Variants in CDHR3 observed in about 807,000 individuals in gnomAD.
CDHR3 encodes cadherin related family member 3.
CDHR3 carries 79 observed loss-of-function variants against 86.6 expected under a neutral mutation model. That is an observed-to-expected ratio of 0.91 (90% confidence interval 0.76 to 1.10). The LOEUF (loss-of-function observed/expected upper bound fraction) is 1.10. Among genes scored for constraint, CDHR3 ranks in the 50% least tolerant of loss-of-function variants. The pLI is 0.00. For synonymous variants in CDHR3, 421 were observed against 402.4 expected, an observed-to-expected ratio of 1.05 and a Z score of -0.55; for missense variants, 1,081 against 1,077.6, an observed-to-expected ratio of 1.00 and a Z score of -0.04.
chr7:105,989,477 T>G (rs1563251591), intron 4 of CDHR3, among the ~76,000 whole-genome samples: 1 of 152,038 alleles, frequency 6.6e-6, no homozygotes, highest in African/African-American at 2.4e-5. Context: ...ATGTGCTTTG[T>G]CTTCACCAAG....
At chr7:105,986,973 G>A (rs1012081602) in intron 4 of CDHR3, among the ~76,000 whole-genome samples, 3 of 152,116 alleles carry the variant, frequency 2.0e-5, no homozygotes, top group Admixed American at 6.5e-5. Flanking sequence ...TTACTATAAC[G>A]TTTGTATAAG....
At chr7:105,970,450 C>T (rs569843485) in intron 1 of CDHR3, among the ~76,000 whole-genome samples, 15 of 152,312 alleles carry the variant, frequency 9.8e-5, no homozygotes, top group East Asian at 9.6e-4. Flanking sequence ...TTCCAAAGTA[C>T]GTGCTTCAAG....
intron 4 of CDHR3, among the ~76,000 whole-genome samples, chr7:105,992,379 T>C (rs1831489800): frequency 6.6e-6 from 1 of 152,218 alleles, no homozygotes; most frequent in Non-Finnish European, 1.5e-5. Flanking sequence ...CAGGGAAGGC[T>C]CTGCTCAAAG....
Position 106,030,281 on chromosome 7 carries a change from G to A in CDHR3, c.2305-511G>A, listed in dbSNP as rs566068543. The stretch of plus-strand genomic sequence containing the variant: ...CAGGGCTTAGGTGAGGCCCAGATGC[G>A]ACACTGCATTGGCCTAGGCAAGGGG... On this transcript the variant is annotated intron_variant, in intron 17 of 18. Transcript: ENST00000317716. The surrounding 1 kb of genome is among the most constrained non-coding windows in gnomAD (Gnocchi z 4.8). Among the ~76,000 whole-genome samples, 38 of 152,330 alleles carry A rather than the reference G, an allele frequency of 2.5e-4. No homozygotes were observed. The East Asian group carries it at 6.6e-3, about 26-fold the overall frequency.
At chr7:105,973,030 A>C (rs1232756531) in intron 1 of CDHR3, among the ~76,000 whole-genome samples, 1 of 152,144 alleles carries the variant, frequency 6.6e-6, no homozygotes, top group African/African-American at 2.4e-5. Flanking sequence ...TTCCTAGAAC[A>C]TTTATACCTT....
chr7:106,027,659 TA>T (rs199801202), intron 16 of CDHR3: 50,199 of 335,540 alleles, frequency 0.15, 3 homozygotes, highest in South Asian at 0.19. Flanking sequence ...GTGTTTTAAT[TA>T]AAAAAAAAAA....
rs189733803 is a variant in CDHR3, at chr7:106,035,536, C to T, written c.*2839C>T. Among the ~76,000 whole-genome samples the T allele has an allele frequency of 3.5e-3, 532 of 152,280 alleles. 1 individual carries two copies. Among genetic ancestry groups the T allele is most frequent in the African/African-American group, 0.012 (512 of 41,550 alleles). On this transcript the variant is annotated 3_prime_UTR_variant, in exon 19 of 19. Coordinates refer to ENST00000317716, the MANE Select transcript of CDHR3 (RefSeq NM_152750.5). ...GAATGAGGCAACGAAAGAATGAAAG[C>T]AGGGATTTATTGAAAACCAAAGTAC...
At chr7:106,024,917 G>A (rs1489447528) in intron 15 of CDHR3, among the ~76,000 whole-genome samples, 1 of 152,144 alleles carries the variant, frequency 6.6e-6, no homozygotes, top group African/African-American at 2.4e-5. Context: ...GCTCTTATTT[G>A]TAGAATATTT....
At chr7:106,004,410 T>C in intron 7 of CDHR3, 88 bp from the exon 8 acceptor site, 1 of 1,018,728 alleles carries the variant, frequency 9.8e-7, no homozygotes, top group South Asian at 1.6e-5. Context: ...TTCCTCATGT[T>C]CGAATGGTCT....
At chr7:105,993,496 C>A (rs6957068) in intron 4 of CDHR3, among the ~76,000 whole-genome samples, 1 of 151,258 alleles carries the variant, frequency 6.6e-6, no homozygotes, top group African/African-American at 2.4e-5. Flanking sequence ...ATGGTGAAAC[C>A]CTGTCTCTAC....
intron 18 of CDHR3, among the ~76,000 whole-genome samples, chr7:106,031,240 A>G (rs1247993044): frequency 6.8e-6 from 1 of 147,616 alleles, no homozygotes; most frequent in Non-Finnish European, 1.5e-5. Context: ...GATGCTTCTA[A>G]TAGCACTTAT....
chr7:105,988,024 G>A (rs1398035874), intron 4 of CDHR3, among the ~76,000 whole-genome samples: 1 of 152,088 alleles, frequency 6.6e-6, no homozygotes, highest in African/African-American at 2.4e-5. Context: ...CCAAGTAGCT[G>A]GGACTACAGG....
rs1250411975 is a variant in CDHR3 at position 106,035,466 on chromosome 7, G to A, written c.*2769G>A. Among the ~76,000 whole-genome samples, 1 of 152,210 alleles carries A rather than the reference G, an allele frequency of 6.6e-6. No homozygotes were observed. Among genetic ancestry groups the A allele is most frequent in the Non-Finnish European group, 1.5e-5 (1 of 68,034 alleles). ...ACTGCAAGTTGTCCAAGTTCTTGGA[G>A]TTTTGAACAAAGAATGGAACAAAAT... is the stretch of plus-strand genomic sequence containing the variant. On this transcript the variant is annotated 3_prime_UTR_variant, in exon 19 of 19. Transcript: ENST00000317716.
chr7:105,980,618 TTTTAA>T (rs1244158734), intron 2 of CDHR3, among the ~76,000 whole-genome samples: 93 of 88,810 alleles, frequency 1.0e-3, no homozygotes, highest in Non-Finnish European at 1.6e-3. Context: ...TTTTTTTTTT[TTTTAA>T]TTTTTTTTTT....
intron 15 of CDHR3, among the ~76,000 whole-genome samples, chr7:106,026,232 T>A (rs1352123441): frequency 6.6e-6 from 1 of 152,074 alleles, no homozygotes; most frequent in Non-Finnish European, 1.5e-5. Context: ...TCTCGTAGGG[T>A]CTGAGTCCAG....
In CDHR3 at chr7:106,032,720, T is replaced by G. The variant is rs1373630414; in HGVS notation, c.*23T>G. On this transcript the variant is annotated 3_prime_UTR_variant, in exon 19 of 19. Coordinates refer to ENST00000317716, the MANE Select transcript of CDHR3 (RefSeq NM_152750.5). ...TAAACGGGGTCTAAGGAGGGGCCTG[T>G]CAATCACTGAGATGCTGCCTCACCC... 8.8e-6 allele frequency: 14 copies of G among 1,589,726 alleles called. No homozygotes were observed. Among genetic ancestry groups the G allele is most frequent in the Non-Finnish European group, 1.2e-5 (14 of 1,166,394 alleles).
At chr7:105,993,440 C>T (rs956798840) in intron 4 of CDHR3, among the ~76,000 whole-genome samples, 1 of 151,782 alleles carries the variant, frequency 6.6e-6, no homozygotes, top group Non-Finnish European at 1.5e-5. Context: ...GAGGCAGAGG[C>T]AGGTGGATCA....
At position 105,974,934 on chromosome 7, in the gene CDHR3, T is replaced by A; in HGVS notation, c.137T>A (p.Val46Glu). Residue 46 changes from valine to glutamate, a missense_variant, in exon 2 of 19, where the codon GTG (valine) becomes GAG (glutamate). Physicochemically the swap from Val to Glu is moderately radical, Grantham distance 121 (BLOSUM62 -2). Coordinates refer to ENST00000317716, the MANE Select transcript of CDHR3 (RefSeq NM_152750.5). ...GGGACTTCAGTGCACAAGTTTTCTGTGAAGTTATCAGCATCATTGTCACCT... is the reference window on the plus strand; with the variant it reads ...GGGACTTCAGTGCACAAGTTTTCTGAGAAGTTATCAGCATCATTGTCACCT... ...PPGTSVHKFS[V>E]KLSASLSPVI... is the part of the protein sequence containing the mutation. 6.2e-7 allele frequency: 1 copy of A among 1,613,848 alleles called. No homozygotes were observed. Among genetic ancestry groups the A allele is most frequent in the South Asian group, 1.1e-5 (1 of 91,076 alleles).
chr7:105,973,473 C>G (rs1024456590), intron 1 of CDHR3, among the ~76,000 whole-genome samples: 1 of 152,132 alleles, frequency 6.6e-6, no homozygotes, highest in Non-Finnish European at 1.5e-5. Context: ...CCATGCCTAC[C>G]TCCTAGCTTC....
Sources: gnomAD v4.1 joint callset for allele counts (sites outside exome capture counted in the v4.1 genomes callset) on GRCh38, gnomAD v4.1.1 for gene constraint, Gnocchi (gnomAD v3.1) non-coding constraint, MANE v1.5 for transcripts, NCBI Gene and HGNC (gene_info 2026-07-23, HGNC 2026-07-21) for gene names.